GPC5: variants seen among roughly 807,000 people sequenced by gnomAD.
GPC5 encodes the protein glypican 5.
In GPC5, 47 loss-of-function variants were observed where a neutral mutation model predicts 53.9. The ratio of observed to expected loss-of-function variants is 0.87; its 90% CI spans 0.69 to 1.11. The LOEUF (loss-of-function observed/expected upper bound fraction) is 1.11. Among genes scored for constraint, GPC5 ranks in the 50% most tolerant of loss-of-function variants. The pLI, the probability that GPC5 is intolerant of heterozygous loss-of-function variation, is 0.00. For synonymous variants in GPC5, 286 were observed against 263.3 expected, an observed-to-expected ratio of 1.09 and a Z score of -0.84; for missense variants, 748 against 713.1, an observed-to-expected ratio of 1.05 and a Z score of -0.56.
chr13:91,765,067 T>C (rs1172126965), intron 5 of GPC5, among the ~76,000 whole-genome samples: 1 of 152,210 alleles, frequency 6.6e-6, no homozygotes, highest in African/African-American at 2.4e-5. Context: ...CTCTCTTTTC[T>C]ACTTTTGGTG....
At chr13:91,422,355 G>A (rs1380083930) in intron 1 of GPC5, among the ~76,000 whole-genome samples, 2 of 152,174 alleles carry the variant, frequency 1.3e-5, no homozygotes, top group African/African-American at 4.8e-5. Flanking sequence ...ACACATTTAG[G>A]CTGGGCATGG....
chr13:92,702,954 A>G (rs1342608235), intron 7 of GPC5, among the ~76,000 whole-genome samples: 4 of 151,998 alleles, frequency 2.6e-5, no homozygotes, highest in African/African-American at 9.7e-5. Flanking sequence ...ACCTGCCTCT[A>G]AAGCTCAGAT....
intron 7 of GPC5, among the ~76,000 whole-genome samples, chr13:92,228,791 A>T (rs528589028): frequency 1.2e-4 from 18 of 152,226 alleles, no homozygotes; most frequent in Non-Finnish European, 2.5e-4. Context: ...AAAAGAAAGA[A>T]CTTGGGAATT....
intron 7 of GPC5, among the ~76,000 whole-genome samples, chr13:92,517,081 C>T (rs1880819220): frequency 6.6e-6 from 1 of 152,140 alleles, no homozygotes; most frequent in African/African-American, 2.4e-5. Flanking sequence ...TCAATCATTG[C>T]TAGCACATCA....
intron 7 of GPC5, among the ~76,000 whole-genome samples, chr13:92,618,245 A>G (rs1423204963): frequency 6.6e-6 from 1 of 152,138 alleles, no homozygotes; most frequent in Admixed American, 6.5e-5. Context: ...TATGTCTTTC[A>G]GGCCAAACTA....
intron 2 of GPC5, among the ~76,000 whole-genome samples, chr13:91,617,347 A>G (rs1306588386): frequency 6.6e-6 from 1 of 152,122 alleles, no homozygotes; most frequent in Non-Finnish European, 1.5e-5. Flanking sequence ...GATGAATAGA[A>G]TTTCACCAGT....
chr13:92,139,680 A>AAAAAAAAAAG (rs532196727), intron 6 of GPC5, among the ~76,000 whole-genome samples: 3 of 140,806 alleles, frequency 2.1e-5, no homozygotes, highest in Non-Finnish European at 1.5e-5. Flanking sequence ...AAAAAAAAAA[A>AAAAAAAAAAG]AAAAAGTGTT....
chr13:92,063,055 G>A (rs2041137726), intron 6 of GPC5, among the ~76,000 whole-genome samples: 1 of 151,084 alleles, frequency 6.6e-6, no homozygotes, highest in African/African-American at 2.5e-5. Flanking sequence ...AATCAGGAAA[G>A]ACTCTGCAGG....
At chr13:92,643,731 G>A (rs1463829601) in intron 7 of GPC5, among the ~76,000 whole-genome samples, 2 of 147,332 alleles carry the variant, frequency 1.4e-5, no homozygotes, top group Non-Finnish European at 3.0e-5. Flanking sequence ...CTGTGGTGGG[G>A]TGCGGGGAGG....
intron 7 of GPC5, among the ~76,000 whole-genome samples, chr13:92,682,368 G>C (rs1396261669): frequency 6.6e-6 from 1 of 152,164 alleles, no homozygotes; most frequent in Non-Finnish European, 1.5e-5. Flanking sequence ...TTGTTAAAGT[G>C]CACGTAATAG....
chr13:91,824,187 A>G lies in GPC5; in HGVS notation c.1280+67767A>G, dbSNP rs191901602. 1.1e-3 allele frequency among the ~76,000 whole-genome samples: 160 copies of G among 152,222 alleles called. 2 individuals are homozygous for G. The highest frequency in any genetic ancestry group is 3.8e-3 in the African/African-American group (156 of 41,576). On this transcript the variant is annotated intron_variant, in intron 5 of 7. Transcript: ENST00000377067. ...ACTATGTGGTTATGTGCTATTTGAA[A>G]GGTTTTTGAGCATCATAAAACTAAA...
chr13:91,763,718 C>G (rs1404922511), intron 5 of GPC5, among the ~76,000 whole-genome samples: 1 of 152,122 alleles, frequency 6.6e-6, no homozygotes. Flanking sequence ...CTGCCTTCCT[C>G]TATTACACTT....
At chr13:91,608,633 A>G (rs1032283205) in intron 2 of GPC5, among the ~76,000 whole-genome samples, 4 of 152,172 alleles carry the variant, frequency 2.6e-5, no homozygotes, top group Non-Finnish European at 5.9e-5. Context: ...AAATTGCACA[A>G]AAAGCAGATT....
intron 5 of GPC5, among the ~76,000 whole-genome samples, chr13:91,760,420 G>T (rs2037385586): frequency 6.6e-6 from 1 of 152,168 alleles, no homozygotes; most frequent in Non-Finnish European, 1.5e-5. Context: ...GCAGTTAGTT[G>T]AAGTAAGTAA....
At chr13:92,466,260 C>T (rs1878688283) in intron 7 of GPC5, among the ~76,000 whole-genome samples, 1 of 151,898 alleles carries the variant, frequency 6.6e-6, no homozygotes, top group Non-Finnish European at 1.5e-5. Context: ...ATGAGCCTTG[C>T]GTATCAGGAC....
intron 5 of GPC5, among the ~76,000 whole-genome samples, chr13:91,799,249 C>T (rs1299349553): frequency 6.6e-6 from 1 of 152,136 alleles, no homozygotes; most frequent in Non-Finnish European, 1.5e-5. Context: ...TCAAATATTG[C>T]CTATTCTCAC....
intron 5 of GPC5, among the ~76,000 whole-genome samples, chr13:91,852,521 C>G (rs1303628374): frequency 6.6e-6 from 1 of 151,654 alleles, no homozygotes; most frequent in African/African-American, 2.4e-5. Flanking sequence ...TGCTTGTAAG[C>G]AAATAATGCA....
At chr13:91,586,773 G>A (rs1450203319) in intron 2 of GPC5, among the ~76,000 whole-genome samples, 1 of 150,518 alleles carries the variant, frequency 6.6e-6, no homozygotes, top group East Asian at 2.0e-4. Flanking sequence ...ATATCAACAA[G>A]TCTTGAGTTA....
intron 5 of GPC5, among the ~76,000 whole-genome samples, chr13:91,862,646 C>A (rs117956273): frequency 0.011 from 1,609 of 152,158 alleles, 15 homozygotes; most frequent in Non-Finnish European, 0.018. Flanking sequence ...CTATATATTA[C>A]AAACCTATTA....
Sources: allele counts gnomAD v4.1 joint callset (sites outside exome capture counted in the v4.1 genomes callset), GRCh38; gene constraint gnomAD v4.1.1; transcripts MANE v1.5; gene names NCBI Gene and HGNC (gene_info 2026-07-23, HGNC 2026-07-21).